LRMDA: variants seen among roughly 807,000 people sequenced by gnomAD.
LRMDA encodes leucine-rich melanocyte differentiation-associated protein.
Under a neutral mutation model 29.8 loss-of-function variants are expected in LRMDA, and 18 were observed. The ratio of observed to expected loss-of-function variants is 0.60; its 90% CI spans 0.42 to 0.90. The LOEUF (loss-of-function observed/expected upper bound fraction) is 0.90. LRMDA is among the 40% of genes least tolerant of loss of function. The probability of loss-of-function intolerance (pLI) is 0.00; values close to 1 mark genes in which losing one functional copy is unlikely to be tolerated. For missense variants in LRMDA, 273 were observed against 273.9 expected (o/e 1.00, Z 0.02); for synonymous variants, 125 against 109.4 (o/e 1.14, Z -0.89).
intron 2 of LRMDA, among the ~76,000 whole-genome samples, chr10:75,731,856 AT>A (rs1842702927): frequency 6.6e-6 from 1 of 152,214 alleles, no homozygotes; most frequent in South Asian, 2.1e-4. Flanking sequence ...TCAACTACCT[AT>A]AGCTTTGTCT....
chr10:76,051,176 G>C (rs74147631), intron 4 of LRMDA, among the ~76,000 whole-genome samples: 99 of 152,372 alleles, frequency 6.5e-4, no homozygotes, highest in African/African-American at 2.3e-3. Flanking sequence ...CAGACGAATA[G>C]GAGCTGTAAA....
At chr10:76,182,424 G>T (rs571930621) in intron 5 of LRMDA, among the ~76,000 whole-genome samples, 6 of 152,250 alleles carry the variant, frequency 3.9e-5, no homozygotes, top group African/African-American at 1.4e-4. Flanking sequence ...ACCACATCAA[G>T]AAGTAAACAA....
At chr10:75,898,745 A>G (rs1845624892) in intron 2 of LRMDA, among the ~76,000 whole-genome samples, 1 of 152,206 alleles carries the variant, frequency 6.6e-6, no homozygotes, top group African/African-American at 2.4e-5. Context: ...ACCTTGCTGT[A>G]TGGGAAAATA....
chr10:75,598,603 A>C (rs1399937857), intron 2 of LRMDA, among the ~76,000 whole-genome samples: 3 of 151,856 alleles, frequency 2.0e-5, no homozygotes, highest in African/African-American at 7.3e-5. Flanking sequence ...GAATTTCTCC[A>C]TTTGTTTAAA....
intron 5 of LRMDA, among the ~76,000 whole-genome samples, chr10:76,145,595 G>C (rs1424619790): frequency 6.6e-6 from 1 of 152,112 alleles, no homozygotes; most frequent in East Asian, 1.9e-4. Context: ...TTCTTTAGTA[G>C]TCTTGCTAAC....
chr10:75,935,176 C>T (rs565673574), intron 2 of LRMDA, among the ~76,000 whole-genome samples: 5 of 152,312 alleles, frequency 3.3e-5, no homozygotes, highest in African/African-American at 7.2e-5. Context: ...CCCACAAATT[C>T]CCTCAAAGCC....
intron 6 of LRMDA, among the ~76,000 whole-genome samples, chr10:76,520,499 A>T (rs1322213570): frequency 1.3e-5 from 2 of 152,198 alleles, no homozygotes; most frequent in Non-Finnish European, 2.9e-5. Flanking sequence ...GTTAAAAATA[A>T]AAACTTGTCC....
At chr10:75,634,927 AAG>A (rs1436468933) in intron 2 of LRMDA, among the ~76,000 whole-genome samples, 2 of 152,218 alleles carry the variant, frequency 1.3e-5, no homozygotes, top group African/African-American at 4.8e-5. Context: ...GAAAAGGTGA[AAG>A]AAGATGAAAA....
At chr10:76,287,070 A>G (rs1286554483) in intron 5 of LRMDA, among the ~76,000 whole-genome samples, 1 of 152,100 alleles carries the variant, frequency 6.6e-6, no homozygotes, top group East Asian at 1.9e-4. Flanking sequence ...AATTTATTGG[A>G]TAGAGATCTT....
At chr10:76,017,969 T>C (rs538841084) in intron 2 of LRMDA, among the ~76,000 whole-genome samples, 1 of 152,328 alleles carries the variant, frequency 6.6e-6, no homozygotes, top group African/African-American at 2.4e-5. Context: ...CCCATGAAAT[T>C]GAGAAAGTTC....
intron 2 of LRMDA, among the ~76,000 whole-genome samples, chr10:75,744,821 A>G (rs775549167): frequency 5.9e-5 from 9 of 152,162 alleles, no homozygotes; most frequent in African/African-American, 2.2e-4. Flanking sequence ...ATTCCTGGCC[A>G]CTGAGAGGGC....
chr10:76,197,499 C>G (rs961740757), intron 5 of LRMDA, among the ~76,000 whole-genome samples: 1 of 152,040 alleles, frequency 6.6e-6, no homozygotes, highest in Non-Finnish European at 1.5e-5. Flanking sequence ...GTTTGGAGAC[C>G]TTATTGATTT....
chr10:75,840,033 T>C (rs1844511598), intron 2 of LRMDA, among the ~76,000 whole-genome samples: 1 of 152,220 alleles, frequency 6.6e-6, no homozygotes, highest in Non-Finnish European at 1.5e-5. Flanking sequence ...AATGACATGC[T>C]ACAACTTGTT....
intron 2 of LRMDA, among the ~76,000 whole-genome samples, chr10:75,846,100 G>C (rs1489267777): frequency 6.6e-6 from 1 of 151,692 alleles, no homozygotes. Flanking sequence ...AAAATGCTAG[G>C]TACCTCCTAA....
At chr10:76,487,419 T>A (rs927834439) in intron 6 of LRMDA, among the ~76,000 whole-genome samples, 1 of 151,866 alleles carries the variant, frequency 6.6e-6, no homozygotes, top group Non-Finnish European at 1.5e-5. Flanking sequence ...ACCTGGGAAC[T>A]GATTAACCCT....
At chr10:76,143,132 A>T (rs961370305) in intron 5 of LRMDA, among the ~76,000 whole-genome samples, 2 of 152,192 alleles carry the variant, frequency 1.3e-5, no homozygotes, top group Admixed American at 1.3e-4. Context: ...TGCTATTGTG[A>T]ATAGTGCCAC....
At chr10:75,550,528 T>G (rs1840129535) in intron 2 of LRMDA, among the ~76,000 whole-genome samples, 1 of 152,124 alleles carries the variant, frequency 6.6e-6, no homozygotes, top group Non-Finnish European at 1.5e-5. Flanking sequence ...TTTTCACTGT[T>G]AATATATGTC....
intron 5 of LRMDA, among the ~76,000 whole-genome samples, chr10:76,192,093 G>A (rs749276067): frequency 7.2e-5 from 11 of 152,166 alleles, no homozygotes; most frequent in Non-Finnish European, 1.3e-4. Context: ...GCATTGGATA[G>A]GGTGATATGC....
chr10:76,434,376 C>T (rs1025251425), intron 6 of LRMDA, among the ~76,000 whole-genome samples: 8 of 151,852 alleles, frequency 5.3e-5, no homozygotes, highest in Non-Finnish European at 1.0e-4. Flanking sequence ...CCTATCTCTT[C>T]ACTCCCTCTT....
Sources: allele counts gnomAD v4.1 joint callset (sites outside exome capture counted in the v4.1 genomes callset), GRCh38; gene constraint gnomAD v4.1.1; transcripts MANE v1.5; gene names NCBI Gene and HGNC (gene_info 2026-07-23, HGNC 2026-07-21).